Variants in HDAC5 observed in about 807,000 individuals in gnomAD.
HDAC5 encodes the protein histone deacetylase 5.
In HDAC5, 25 loss-of-function variants were observed where a neutral mutation model predicts 133.3. That is an observed-to-expected ratio of 0.19 (90% CI 0.14 to 0.26). HDAC5 has a LOEUF of 0.26. Among genes scored for constraint, HDAC5 ranks in the 10% least tolerant of loss-of-function variants. The probability of loss-of-function intolerance (pLI) is 1.00; values close to 1 mark genes in which losing one functional copy is unlikely to be tolerated. For synonymous variants in HDAC5, 589 were observed against 610.8 expected, an observed-to-expected ratio of 0.96 and a Z score of 0.53; for missense variants, 1,041 against 1,460.5, an observed-to-expected ratio of 0.71 and a Z score of 4.68.
At chr17:44,100,399 G>C (rs1429885103) in intron 3 of HDAC5, among the ~76,000 whole-genome samples, 2 of 151,874 alleles carry the variant, frequency 1.3e-5, no homozygotes, top group African/African-American at 4.8e-5. Context: ...AGACCCAAGA[G>C]GCTTAGCATC....
chr17:44,118,540 T>C (rs2052790575), intron 1 of HDAC5, among the ~76,000 whole-genome samples: 3 of 152,042 alleles, frequency 2.0e-5, no homozygotes, highest in South Asian at 2.1e-4. Flanking sequence ...CTGAGGCCAG[T>C]ATAGTAAAGG....
At chr17:44,082,241 C>T (rs2050428746) in intron 20 of HDAC5, 1 of 333,476 alleles carries the variant, frequency 3.0e-6, no homozygotes, top group Admixed American at 4.5e-5. Flanking sequence ...ACAGTCTGCT[C>T]CTAATTGTAG....
intron 9 of HDAC5, 28 bp downstream of exon 9, chr17:44,092,143 GC>G: frequency 6.3e-7 from 1 of 1,586,778 alleles, no homozygotes; most frequent in Non-Finnish European, 8.6e-7. Context: ...CTCTGTCCCC[GC>G]CCCACCAGCC....
intron 2 of HDAC5, among the ~76,000 whole-genome samples, chr17:44,116,280 A>G (rs771939143): frequency 1.3e-5 from 2 of 152,214 alleles, no homozygotes; most frequent in Middle Eastern, 3.2e-3. Flanking sequence ...CGAGGGACAG[A>G]TGAGGACCCA....
chr17:44,100,698 C>A, intron 3 of HDAC5, among the ~76,000 whole-genome samples: 1 of 149,136 alleles, frequency 6.7e-6, no homozygotes. Context: ...TTGCAGTGAG[C>A]TGAGATCGCG....
At position 44,092,143 on chromosome 17, in the gene HDAC5, G is replaced by A. The variant is rs199558110; in HGVS notation, c.1032+29C>T. On this transcript the variant is annotated intron_variant, in intron 9 of 26. Coordinates refer to ENST00000682912, the MANE Select transcript of HDAC5 (RefSeq NM_005474.5). ...CATGGGAAGGAGCAACTCTGTCCCCGCCCCACCAGCCCCCAGCCAGGCCTG... is the reference window on the plus strand; with the variant it reads ...CATGGGAAGGAGCAACTCTGTCCCCACCCCACCAGCCCCCAGCCAGGCCTG... 1.5e-4 allele frequency: 238 copies of A among 1,586,778 alleles called. 2 individuals carry two copies. In the African/African-American group the frequency reaches 3.0e-3, roughly 20 times the overall value.
Position 44,097,054 on chromosome 17 carries a change from G to A in HDAC5, c.95-3220C>T, listed in dbSNP as rs114688083. On this transcript the variant is annotated intron_variant, in intron 3 of 26. Coordinates refer to ENST00000682912, the MANE Select transcript of HDAC5 (RefSeq NM_005474.5). ...TTTTAAAGAGAAGAGAGGGAGGTGG[G>A]AGGTAGGAGGTGGCAAAGGGTGGGC... Among the ~76,000 whole-genome samples, 1,052 of 152,370 alleles carry A rather than the reference G, an allele frequency of 6.9e-3. 13 individuals are homozygous for A. Among genetic ancestry groups the A allele is most frequent in the African/African-American group, 0.025 (1,024 of 41,588 alleles).
In HDAC5 at chr17:44,117,053, A is replaced by C. The variant is rs929804668; in HGVS notation, c.22+441T>G. On this transcript the variant is annotated intron_variant, in intron 2 of 26. Transcript: ENST00000682912. This position sits in a 1 kb window ranked among gnomAD's most constrained non-coding sequence, Gnocchi z 4.2. ...CCTTGTAAACCTCCACTAAGAAAAAAGTATGGAACACAAACATTCCACTAA... is the reference window on the plus strand; with the variant it reads ...CCTTGTAAACCTCCACTAAGAAAAACGTATGGAACACAAACATTCCACTAA... 9.8e-5 allele frequency among the ~76,000 whole-genome samples: 15 copies of C among 152,374 alleles called. No individual in the cohort carries two copies. The highest frequency in any genetic ancestry group is 3.4e-4 in the African/African-American group (14 of 41,590).
rs560880173 is a variant in HDAC5, at chr17:44,098,080, G to A, written c.95-4246C>T. Among the ~76,000 whole-genome samples the A allele has an allele frequency of 4.6e-5, 7 of 152,380 alleles. No homozygotes were observed. In the East Asian group the frequency reaches 1.3e-3, roughly 29 times the overall value. On this transcript the variant is annotated intron_variant, in intron 3 of 26. Transcript: ENST00000682912. Reference sequence around the variant, plus strand: ...GACTGGGTGACATGCAGCACCCCAGGGGTTTGCCAGGTAGCAACCTGCTCC... The same window carrying A: ...GACTGGGTGACATGCAGCACCCCAGAGGTTTGCCAGGTAGCAACCTGCTCC...
chr17:44,094,432 T>C (rs1597974943), intron 3 of HDAC5, among the ~76,000 whole-genome samples: 1 of 151,418 alleles, frequency 6.6e-6, no homozygotes, highest in East Asian at 1.9e-4. Flanking sequence ...GGTCAGGAGA[T>C]CAAGACCATC....
chr17:44,113,093 C>T (rs148683087), intron 2 of HDAC5, among the ~76,000 whole-genome samples: 1 of 152,262 alleles, frequency 6.6e-6, no homozygotes. Flanking sequence ...CTCCTCCCAC[C>T]CACGCTAGGA....
At position 44,117,567 on chromosome 17, in the gene HDAC5, G is replaced by A; in HGVS notation, c.-52C>T. 1.9e-6 allele frequency: 3 copies of A among 1,598,284 alleles called. No individual in the cohort carries two copies. The highest frequency in any genetic ancestry group is 1.1e-5 in the South Asian group (1 of 90,868). ...GCGTTGGGGGCTGGGACGGGAGGGG[G>A]TGGAGCTGCGGTGATGTCAAGAGAG... On this transcript the variant is annotated 5_prime_UTR_variant, in exon 2 of 27. Transcript: ENST00000682912. This position sits in a 1 kb window ranked among gnomAD's most constrained non-coding sequence, Gnocchi z 4.2.
chr17:44,104,851 G>A (rs1383913738), intron 3 of HDAC5, among the ~76,000 whole-genome samples: 1 of 152,178 alleles, frequency 6.6e-6, no homozygotes, highest in East Asian at 1.9e-4. Context: ...ACATCCTCCC[G>A]GGCTGAGGAC....
At chr17:44,120,928 G>T (rs981203429) in intron 1 of HDAC5, among the ~76,000 whole-genome samples, 3 of 151,960 alleles carry the variant, frequency 2.0e-5, no homozygotes, top group African/African-American at 7.3e-5. Context: ...GCCATGAAGG[G>T]TGGCTGACTT....
Position 44,079,138 on chromosome 17 carries a change from C to T in HDAC5, c.3078+6G>A. On this transcript the variant is annotated splice_donor_region_variant and intron_variant, in intron 24 of 26. Transcript: ENST00000682912. The stretch of plus-strand genomic sequence containing the variant: ...TGCCACCTCCCAGCTCCTTCCCACC[C>T]CTTACCTCTACACTGAGCAGAGCCG... 1 of 1,611,028 alleles carries T rather than the reference C, an allele frequency of 6.2e-7. No individual in the cohort carries two copies. The highest frequency in any genetic ancestry group is 8.5e-7 in the Non-Finnish European group (1 of 1,177,878).
In HDAC5 at chr17:44,084,543, G is replaced by A. The variant is rs2050557193; in HGVS notation, c.2305+12C>T. ...TGAACATGCCTGCCCGCCCACCCATGTGCCAGCTCACCGAGCAACTTCTTG... is the reference window on the plus strand; with the variant it reads ...TGAACATGCCTGCCCGCCCACCCATATGCCAGCTCACCGAGCAACTTCTTG... On this transcript the variant is annotated intron_variant, in intron 16 of 26. Transcript: ENST00000682912. The A allele has an allele frequency of 6.2e-7, 1 of 1,613,550 alleles. No homozygotes were observed. The highest frequency in any genetic ancestry group is 1.7e-5 in the Admixed American group (1 of 59,970).
Position 44,078,357 on chromosome 17 carries a change from A to AG in HDAC5, c.*18dup. 6.6e-7 allele frequency: 1 copy of AG among 1,526,710 alleles called. No individual in the cohort carries two copies. 94.6% of individuals were successfully genotyped at this position (1,526,710 alleles called of 1,614,324 possible). Reference sequence around the variant, plus strand: ...ACAAAATCACAATGGTGAAGCCCAGAGGGATGGGGGCCGGGGCGTCACAGG... The same window carrying AG: ...ACAAAATCACAATGGTGAAGCCCAGAGGGGATGGGGGCCGGGGCGTCACAGG... On this transcript the variant is annotated 3_prime_UTR_variant, in exon 27 of 27. Coordinates refer to ENST00000682912, the MANE Select transcript of HDAC5 (RefSeq NM_005474.5).
chr17:44,091,860 G>A, intron 9 of HDAC5, 29 bp from the exon 10 acceptor site: 2 of 1,525,766 alleles, frequency 1.3e-6, no homozygotes, highest in South Asian at 1.3e-5. Context: ...AGACAGGCAT[G>A]AGAGTGCACA....
chr17:44,111,683 C>T (rs2052356685), intron 2 of HDAC5: 1 of 516,950 alleles, frequency 1.9e-6, no homozygotes. Context: ...AACTTCTGCC[C>T]TCCCACAGAG....
Sources: gnomAD v4.1 joint callset for allele counts (sites outside exome capture counted in the v4.1 genomes callset) on GRCh38, gnomAD v4.1.1 for gene constraint, Gnocchi (gnomAD v3.1) non-coding constraint, MANE v1.5 for transcripts, NCBI Gene and HGNC (gene_info 2026-07-23, HGNC 2026-07-21) for gene names.